The following ZDHHC6 variants were observed in gnomAD, a reference collection of about 807,000 sequenced individuals.
ZDHHC6 encodes the protein palmitoyltransferase ZDHHC6.
In ZDHHC6, 32 loss-of-function variants were observed where a neutral mutation model predicts 57.8. That is an observed-to-expected ratio of 0.55 (90% CI 0.42 to 0.74). ZDHHC6 has a LOEUF of 0.74. Ranked by LOEUF, ZDHHC6 falls within the 30% of genes least tolerant of loss-of-function variation. The probability of loss-of-function intolerance (pLI) is 0.00; values close to 1 mark genes in which losing one functional copy is unlikely to be tolerated. For synonymous variants in ZDHHC6, 128 were observed against 158.0 expected (o/e 0.81, Z 1.42); for missense variants, 433 against 500.7 (o/e 0.86, Z 1.29).
downstream of ZDHHC6, among the ~76,000 whole-genome samples, chr10:112,427,058 C>T (rs1844754360): frequency 6.6e-6 from 1 of 152,198 alleles, no homozygotes; most frequent in Non-Finnish European, 1.5e-5. Context: ...TCTCCCTACT[C>T]ATTACTTTCT....
chr10:112,432,470 T>C lies in ZDHHC6; in HGVS notation c.997A>G (p.Lys333Glu), dbSNP rs747202611. ...DYSGACCPLN[K>E]GIKTFFTSPC... ...CTTGTGAAGAAGGTTTTGATTCCTT[T>C]ATTCAGAGGGCAGCAGGCACCACTA... is the stretch of plus-strand genomic sequence containing the variant. The change falls in exon 9 of 11, where the codon AAA becomes GAA. Residue 333 changes from lysine to glutamate, a missense_variant. Lys to Glu is a moderately conservative substitution (Grantham distance 56). Coordinates refer to ENST00000369405, the MANE Select transcript of ZDHHC6 (RefSeq NM_022494.3). 6.2e-7 allele frequency: 1 copy of C among 1,614,210 alleles called. No individual in the cohort carries two copies. Among genetic ancestry groups the C allele is most frequent in the Non-Finnish European group, 8.5e-7 (1 of 1,180,026 alleles).
At chr10:112,429,071 T>C (rs1218068935), downstream of ZDHHC6, among the ~76,000 whole-genome samples, 1 of 152,258 alleles carries the variant, frequency 6.6e-6, no homozygotes, top group Non-Finnish European at 1.5e-5. Context: ...ATATTAATAG[T>C]ATTCTTTTCT....
At chr10:112,427,526 T>C (rs1378085694), downstream of ZDHHC6, 16 of 534,580 alleles carry the variant, frequency 3.0e-5, no homozygotes, top group Non-Finnish European at 4.8e-5. Context: ...GTAAACTTAG[T>C]TCCCAAATAA....
At chr10:112,447,234 G>A (rs1046685031), upstream of ZDHHC6, 8 of 776,816 alleles carry the variant, frequency 1.0e-5, no homozygotes, top group Middle Eastern at 4.0e-4. Context: ...GGAAGCGGCT[G>A]GGTTGAGAGC....
At chr10:112,438,253 C>A in intron 6 of ZDHHC6, 83 bp downstream of exon 6, 1 of 989,556 alleles carries the variant, frequency 1.0e-6, no homozygotes, top group Non-Finnish European at 1.3e-6. Flanking sequence ...GGTCTAATAA[C>A]AGACTTTATT....
intron 6 of ZDHHC6, 136 bp downstream of exon 6, chr10:112,438,200 T>G: frequency 1.8e-6 from 1 of 550,268 alleles, no homozygotes; most frequent in Non-Finnish European, 2.8e-6. Context: ...ACGGTAGCCA[T>G]TTGGCAGCCA....
In ZDHHC6 at chr10:112,445,382, G is replaced by A. The variant is rs1454891483; in HGVS notation, c.55C>T (p.Leu19=). Residue 19 remains leucine, a synonymous_variant, in exon 2 of 11, where the codon CTG becomes TTG. Transcript: ENST00000369405. The stretch of plus-strand genomic sequence containing the variant: ...GCTATGATGGGACCCCAGTGACACA[G>A]TCTCTTTAATTCTTGTAGATTTTCA... ...KFENLQELKR[L]CHWGPIIALG... The A allele has an allele frequency of 6.2e-7, 1 of 1,614,178 alleles. No individual in the cohort carries two copies. The highest frequency in any genetic ancestry group is 2.2e-5 in the East Asian group (1 of 44,888).
downstream of ZDHHC6, chr10:112,425,543 C>A: frequency 3.1e-6 from 4 of 1,310,202 alleles, no homozygotes; most frequent in South Asian, 1.9e-5. Context: ...CTTGTAGCTA[C>A]AGGAAATTTG....
chr10:112,432,460 T>G lies in ZDHHC6; in HGVS notation c.1007A>C (p.Lys336Thr). The change falls in exon 9 of 11, where the codon AAA (lysine) becomes ACA (threonine). Residue 336 changes from lysine to threonine, a missense_variant. Physicochemically the swap from Lys to Thr is moderately conservative, Grantham distance 78. Transcript: ENST00000369405. ...GGTGCAGGGACTTGTGAAGAAGGTT[T>G]TGATTCCTTTATTCAGAGGGCAGCA... ...GACCPLNKGI[K>T]TFFTSPCTEE... 1 of 1,614,224 alleles carries G rather than the reference T, an allele frequency of 6.2e-7. No homozygotes were observed. The highest frequency in any genetic ancestry group is 8.5e-7 in the Non-Finnish European group (1 of 1,180,034).
chr10:112,429,608 C>T (rs1333240776), downstream of ZDHHC6, among the ~76,000 whole-genome samples: 1 of 152,224 alleles, frequency 6.6e-6, no homozygotes, highest in Non-Finnish European at 1.5e-5. Flanking sequence ...TTTCTCTTTC[C>T]TTCTGTGATT....
chr10:112,428,765 T>C (rs1024662436), downstream of ZDHHC6, among the ~76,000 whole-genome samples: 1 of 72,476 alleles, frequency 1.4e-5, no homozygotes, highest in Non-Finnish European at 2.7e-5. Context: ...TGTGAGACTC[T>C]GTCTCAAAAA....
At position 112,443,583 on chromosome 10, in the gene ZDHHC6, A is replaced by T. The variant is rs780572676; in HGVS notation, c.291T>A (p.Tyr97Ter). The part of the protein sequence containing the change: ...WKPEISQDTM[Y>*]LQYCKVCQAY... ...CTTGGCAGACTTTACAATACTGGAG[A>T]TACATGGTATCCTGAGAAATTTCCT... The change falls in exon 3 of 11, where the codon TAT becomes TAA. Residue 97 changes from tyrosine (Y) to a stop codon, truncating the protein, a stop_gained. Transcript: ENST00000369405. LOFTEE classifies it high-confidence loss of function. 6.2e-7 allele frequency: 1 copy of T among 1,612,936 alleles called. No individual in the cohort carries two copies. Among genetic ancestry groups the T allele is most frequent in the Admixed American group, 1.7e-5 (1 of 59,824 alleles).
intron 5 of ZDHHC6, among the ~76,000 whole-genome samples, chr10:112,439,635 A>AG: frequency 1.6e-5 from 1 of 63,974 alleles, no homozygotes; most frequent in East Asian, 3.0e-4. Flanking sequence ...GTCTAAAAAA[A>AG]AAAAAAAAAA....
At chr10:112,443,284 T>C (rs1846314677) in intron 3 of ZDHHC6, among the ~76,000 whole-genome samples, 1 of 152,212 alleles carries the variant, frequency 6.6e-6, no homozygotes. Context: ...AAAGTAAATC[T>C]GTATTTTTCT....
intron 10 of ZDHHC6, among the ~76,000 whole-genome samples, chr10:112,431,878 C>T (rs1021440222): frequency 3.3e-5 from 5 of 152,180 alleles, no homozygotes; most frequent in Non-Finnish European, 7.3e-5. Context: ...CTAGCTCCAT[C>T]TGTTTTCAGT....
intron 6 of ZDHHC6, among the ~76,000 whole-genome samples, chr10:112,434,830 A>C (rs1387023357): frequency 6.6e-6 from 1 of 152,216 alleles, no homozygotes; most frequent in Non-Finnish European, 1.5e-5. Context: ...AGATAAACAG[A>C]TTCAGGAGAA....
downstream of ZDHHC6, chr10:112,426,999 AGTT>A: frequency 1.1e-6 from 1 of 887,524 alleles, no homozygotes; most frequent in Non-Finnish European, 1.8e-6. Context: ...GACCTTTTGT[AGTT>A]ACTTGTACAG....
chr10:112,443,632 T>C (rs772354286), intron 2 of ZDHHC6, 26 bp from the exon 3 acceptor site: 14 of 1,564,688 alleles, frequency 8.9e-6, no homozygotes, highest in Middle Eastern at 3.3e-4. Context: ...GAAACAAAAA[T>C]GCATCATCGG....
In ZDHHC6 at chr10:112,433,438, G is replaced by GA. The variant is rs1234160371; in HGVS notation, c.904-158dup. The GA allele has an allele frequency of 2.0e-5, 11 of 539,582 alleles. No homozygotes were observed. In the East Asian group the frequency reaches 2.8e-4, roughly 14 times the overall value. The allele number at this position is 539,582 out of a possible 1,614,324, so 33.4% of individuals were successfully genotyped here. A position where few individuals can be genotyped will look rare whatever the true frequency, so the allele number is the denominator to read the frequency against. Reference sequence around the variant, plus strand: ...AAAGGCCACAGGTTGTTTTAGCATGGAAAAAAAGGCCCTATGCTAAGAACC... The same window carrying GA: ...AAAGGCCACAGGTTGTTTTAGCATGGAAAAAAAAGGCCCTATGCTAAGAACC... On this transcript the variant is annotated intron_variant, in intron 7 of 10. Transcript: ENST00000369405.
Sources: allele counts gnomAD v4.1 joint callset (sites outside exome capture counted in the v4.1 genomes callset), GRCh38; gene constraint gnomAD v4.1.1; transcripts MANE v1.5; gene names NCBI Gene and HGNC (gene_info 2026-07-23, HGNC 2026-07-21).